LRRC42: variants seen among roughly 807,000 people sequenced by gnomAD.
LRRC42 encodes leucine rich repeat containing 42.
In LRRC42, 43 loss-of-function variants were observed where a neutral mutation model predicts 44.3. The ratio of observed to expected loss-of-function variants is 0.97; its 90% CI spans 0.76 to 1.25. The LOEUF is 1.25. Ranked by LOEUF, LRRC42 falls within the 50% of genes most tolerant of loss-of-function variation. LRRC42 has a pLI of 0.00. For synonymous variants in LRRC42, 207 were observed against 195.2 expected (o/e 1.06, Z -0.50); for missense variants, 540 against 509.1 (o/e 1.06, Z -0.58).
At chr1:53,956,927 A>C (rs1035567982) in intron 3 of LRRC42, among the ~76,000 whole-genome samples, 10 of 152,210 alleles carry the variant, frequency 6.6e-5, no homozygotes, top group Admixed American at 6.5e-4. Flanking sequence ...CAGCAGCTTT[A>C]TTTACAATGC....
chr1:53,950,662 A>G (rs1387500151), intron 2 of LRRC42, among the ~76,000 whole-genome samples: 1 of 152,246 alleles, frequency 6.6e-6, no homozygotes, highest in East Asian at 1.9e-4. Context: ...TTTAAATTGT[A>G]GAAATAATCC....
intron 7 of LRRC42, among the ~76,000 whole-genome samples, 160 bp from the exon 8 acceptor site, chr1:53,966,136 G>A (rs942838777): frequency 6.6e-5 from 10 of 152,198 alleles, no homozygotes; most frequent in Non-Finnish European, 1.5e-4. Flanking sequence ...AACAGAAAAT[G>A]CAGACTTGAC....
intron 2 of LRRC42, among the ~76,000 whole-genome samples, 158 bp from the exon 3 acceptor site, chr1:53,951,828 A>G (rs1176513509): frequency 6.6e-6 from 1 of 152,240 alleles, no homozygotes; most frequent in Non-Finnish European, 1.5e-5. Flanking sequence ...GCAACCTTGA[A>G]TGCCAAAGTT....
chr1:53,964,010 G>A (rs1437236929), intron 7 of LRRC42, among the ~76,000 whole-genome samples: 1 of 124,396 alleles, frequency 8.0e-6, no homozygotes, highest in Non-Finnish European at 1.5e-5. Flanking sequence ...TAAACACAAG[G>A]TGTCCTTATT....
At chr1:53,951,121 G>A (rs995995421) in intron 2 of LRRC42, among the ~76,000 whole-genome samples, 4 of 152,206 alleles carry the variant, frequency 2.6e-5, no homozygotes, top group Non-Finnish European at 5.9e-5. Flanking sequence ...ACAGTGCACC[G>A]AGTGCAACCA....
chr1:53,958,980 G>A (rs1446087084), intron 4 of LRRC42, among the ~76,000 whole-genome samples: 1 of 152,126 alleles, frequency 6.6e-6, no homozygotes. Flanking sequence ...CCACCTCCAG[G>A]TTCAAGCTAT....
intron 3 of LRRC42, among the ~76,000 whole-genome samples, chr1:53,954,722 C>T (rs972065022): frequency 6.6e-6 from 1 of 152,116 alleles, no homozygotes; most frequent in Non-Finnish European, 1.5e-5. Flanking sequence ...TATCCATTTG[C>T]GATGTCTGGA....
At chr1:53,951,103 T>C (rs1442640076) in intron 2 of LRRC42, among the ~76,000 whole-genome samples, 1 of 152,200 alleles carries the variant, frequency 6.6e-6, no homozygotes, top group African/African-American at 2.4e-5. Context: ...CAGAAACAAA[T>C]AAATACAACA....
At chr1:53,956,325 A>G (rs1253377660) in intron 3 of LRRC42, among the ~76,000 whole-genome samples, 2 of 152,186 alleles carry the variant, frequency 1.3e-5, no homozygotes, top group Non-Finnish European at 2.9e-5. Context: ...CACTGGTGGT[A>G]ACAGGGAGGC....
At chr1:53,958,541 GC>G (rs753574860) in intron 4 of LRRC42, among the ~76,000 whole-genome samples, 17 of 152,182 alleles carry the variant, frequency 1.1e-4, no homozygotes, top group Non-Finnish European at 2.4e-4. Context: ...AATACTTGAA[GC>G]TACGTAGGTT....
At chr1:53,960,560 GT>G in intron 5 of LRRC42, 86 bp downstream of exon 5, 1 of 1,020,322 alleles carries the variant, frequency 9.8e-7, no homozygotes, top group Non-Finnish European at 1.4e-6. Context: ...CATTTTAGAG[GT>G]GAGAAAGGAA....
At chr1:53,960,255 A>C in intron 4 of LRRC42, 101 bp from the exon 5 acceptor site, 1 of 802,716 alleles carries the variant, frequency 1.2e-6, no homozygotes, top group Non-Finnish European at 2.1e-6. Context: ...GAGGTAGAGG[A>C]TATGTTATAT....
chr1:53,952,567 A>C lies in LRRC42; in HGVS notation c.473+95A>C, dbSNP rs1287918772. On this transcript the variant is annotated intron_variant, in intron 3 of 8. Coordinates refer to ENST00000371370, the MANE Select transcript of LRRC42 (RefSeq NM_001256409.2). ...TGGGCTCAGGGGCTTCCCTCATCAA[A>C]TAGCACTTCAGTTTAGAACTTCCAA... 4 of 979,166 alleles carry C rather than the reference A, an allele frequency of 4.1e-6. No homozygotes were observed. In the African/African-American group the frequency reaches 6.6e-5, roughly 16 times the overall value. 60.7% of individuals were successfully genotyped at this position (979,166 alleles called of 1,614,324 possible).
rs1456966216 is a variant in LRRC42 at position 53,952,475 on chromosome 1, G to A, written c.473+3G>A. On this transcript the variant is annotated splice_donor_region_variant and intron_variant, in intron 3 of 8. Transcript: ENST00000371370. ...TGCTCCCTGTGTTTGCGAAACAGGT[G>A]GGTGTTCTGATTAGATTATTCGGTA... The A allele has an allele frequency of 6.3e-7, 1 of 1,586,322 alleles. No homozygotes were observed. The highest frequency in any genetic ancestry group is 8.6e-7 in the Non-Finnish European group (1 of 1,161,940).
chr1:53,962,354 T>G lies in LRRC42; in HGVS notation c.872T>G (p.Val291Gly). 2 of 1,614,186 alleles carry G rather than the reference T, an allele frequency of 1.2e-6. No individual in the cohort carries two copies. The highest frequency in any genetic ancestry group is 1.7e-6 in the Non-Finnish European group (2 of 1,180,010). ...QTHIGLVHSK[V>G]PLKEFDHSNC... ...CACATAGGCCTTGTTCACTCCAAAGTGCCTTTGAAGGAATTTGATCATAGT... is the reference window on the plus strand; with the variant it reads ...CACATAGGCCTTGTTCACTCCAAAGGGCCTTTGAAGGAATTTGATCATAGT... The change falls in exon 7 of 9, where the codon GTG becomes GGG. Residue 291 changes from valine to glycine, a missense_variant. Coordinates refer to ENST00000371370, the MANE Select transcript of LRRC42 (RefSeq NM_001256409.2).
At chr1:53,961,838 G>T in intron 5 of LRRC42, 196 bp from the exon 6 acceptor site, 1 of 553,074 alleles carries the variant, frequency 1.8e-6, no homozygotes, top group Non-Finnish European at 3.2e-6. Context: ...AGGATCTTTA[G>T]GGATCATTGA....
chr1:53,963,162 G>C (rs1655040861), intron 7 of LRRC42, among the ~76,000 whole-genome samples: 1 of 152,170 alleles, frequency 6.6e-6, no homozygotes, highest in Admixed American at 6.5e-5. Context: ...CATAATGCAG[G>C]ATGGTAGAAC....
intron 7 of LRRC42, among the ~76,000 whole-genome samples, chr1:53,965,481 T>G (rs1428863991): frequency 6.6e-6 from 1 of 151,422 alleles, no homozygotes; most frequent in Admixed American, 6.6e-5. Context: ...TCTTTTTTCT[T>G]TTCTTTTTTT....
At chr1:53,948,825 G>T (rs575002533) in intron 2 of LRRC42, among the ~76,000 whole-genome samples, 18 of 152,286 alleles carry the variant, frequency 1.2e-4, no homozygotes, top group Non-Finnish European at 2.5e-4. Flanking sequence ...TGCCTTTCTG[G>T]TTCTTAGCCT....
Sources: allele counts gnomAD v4.1 joint callset (sites outside exome capture counted in the v4.1 genomes callset), GRCh38; gene constraint gnomAD v4.1.1; transcripts MANE v1.5; gene names NCBI Gene and HGNC (gene_info 2026-07-23, HGNC 2026-07-21).